CNTNAP2: variants seen among roughly 807,000 people sequenced by gnomAD.
CNTNAP2 encodes contactin associated protein 2.
A neutral mutation model predicts 155.2 loss-of-function variants in CNTNAP2; 98 were observed. The ratio of observed to expected loss-of-function variants is 0.63; its 90% CI spans 0.54 to 0.75. The LOEUF is 0.75. CNTNAP2 is among the 30% of genes least tolerant of loss of function. The pLI, the probability that CNTNAP2 is intolerant of heterozygous loss-of-function variation, is 0.00. For synonymous variants in CNTNAP2, 651 were observed against 631.2 expected, an observed-to-expected ratio of 1.03 and a Z score of -0.47; for missense variants, 1,727 against 1,688.1, an observed-to-expected ratio of 1.02 and a Z score of -0.40.
Position 148,303,386 on chromosome 7 carries a change from G to A in CNTNAP2, c.3475+36260G>A, listed in dbSNP as rs143275495. On this transcript the variant is annotated intron_variant, in intron 21 of 23. Transcript: ENST00000361727. Reference sequence around the variant, plus strand: ...TGAAGTGACATAGCCAGGCAGAGACGGGTAGGTGGACAGCCAACACGCCAT... The same window carrying A: ...TGAAGTGACATAGCCAGGCAGAGACAGGTAGGTGGACAGCCAACACGCCAT... 8.7e-3 allele frequency among the ~76,000 whole-genome samples: 1,324 copies of A among 152,248 alleles called. 16 individuals carry two copies. Among genetic ancestry groups the A allele is most frequent in the African/African-American group, 0.031 (1,275 of 41,534 alleles).
At chr7:146,999,236 T>G (rs1381242526) in intron 3 of CNTNAP2, among the ~76,000 whole-genome samples, 1 of 118,402 alleles carries the variant, frequency 8.4e-6, no homozygotes. Flanking sequence ...CAGCTTAAGT[T>G]TGATTGCAAA....
At chr7:146,768,543 C>T (rs918171464) in intron 1 of CNTNAP2, among the ~76,000 whole-genome samples, 4 of 151,852 alleles carry the variant, frequency 2.6e-5, no homozygotes, top group African/African-American at 7.2e-5. Context: ...ATAGTCATAA[C>T]ACGTGATGCA....
rs545125355 is a variant in CNTNAP2 at position 146,279,076 on chromosome 7, A to G, written c.97+162103A>G. 2.0e-3 allele frequency among the ~76,000 whole-genome samples: 309 copies of G among 152,296 alleles called. 3 individuals are homozygous for G. Among genetic ancestry groups the G allele is most frequent in the African/African-American group, 7.0e-3 (290 of 41,582 alleles). On this transcript the variant is annotated intron_variant, in intron 1 of 23. Coordinates refer to ENST00000361727, the MANE Select transcript of CNTNAP2 (RefSeq NM_014141.6). Reference sequence around the variant, plus strand: ...GAAGATATGCTGTCTTCACTGTCTCAAAAACAATACTTTTTGAAACCTTCT... The same window carrying G: ...GAAGATATGCTGTCTTCACTGTCTCGAAAACAATACTTTTTGAAACCTTCT...
chr7:147,362,370 A>G (rs1211647354), intron 9 of CNTNAP2, among the ~76,000 whole-genome samples: 1 of 152,162 alleles, frequency 6.6e-6, no homozygotes, highest in Non-Finnish European at 1.5e-5. Flanking sequence ...CCTGAGCCCA[A>G]GAGATCCTCC....
At chr7:148,245,840 A>G (rs1228054273) in intron 20 of CNTNAP2, among the ~76,000 whole-genome samples, 1 of 152,182 alleles carries the variant, frequency 6.6e-6, no homozygotes, top group Non-Finnish European at 1.5e-5. Context: ...GGGCCGGGTC[A>G]CAAAAGAAGC....
intron 4 of CNTNAP2, among the ~76,000 whole-genome samples, chr7:147,045,107 C>T (rs528605277): frequency 1.1e-4 from 16 of 152,206 alleles, no homozygotes; most frequent in Non-Finnish European, 1.5e-4. Flanking sequence ...TCCTCATTCC[C>T]GGAAATTTTT....
chr7:146,343,553 A>ATT (rs1005378871), intron 1 of CNTNAP2, among the ~76,000 whole-genome samples: 1 of 152,178 alleles, frequency 6.6e-6, no homozygotes, highest in African/African-American at 2.4e-5. Flanking sequence ...ACTTCAATTA[A>ATT]TTTATTTTGA....
intron 8 of CNTNAP2, among the ~76,000 whole-genome samples, chr7:147,237,016 C>T: frequency 6.9e-6 from 1 of 145,684 alleles, no homozygotes; most frequent in South Asian, 2.2e-4. Flanking sequence ...ATCTAGCCAC[C>T]TATCATGCCA....
chr7:147,075,816 G>A (rs1799987828), intron 4 of CNTNAP2, among the ~76,000 whole-genome samples: 1 of 151,812 alleles, frequency 6.6e-6, no homozygotes, highest in Admixed American at 6.6e-5. Flanking sequence ...AGTGTGTGAT[G>A]TTCCCCACCC....
At chr7:146,859,672 T>A (rs60869393) in intron 3 of CNTNAP2, among the ~76,000 whole-genome samples, 4,479 of 150,604 alleles carry the variant, frequency 0.03, 203 homozygotes, top group African/African-American at 0.1. Context: ...AAAAAAAAAA[T>A]ATATATAATC....
At chr7:147,616,883 G>A (rs1801303606) in intron 12 of CNTNAP2, among the ~76,000 whole-genome samples, 1 of 151,930 alleles carries the variant, frequency 6.6e-6, no homozygotes, top group South Asian at 2.1e-4. Flanking sequence ...TTCAATAAAT[G>A]CATATTGAAG....
intron 13 of CNTNAP2, among the ~76,000 whole-genome samples, chr7:147,678,543 A>G (rs1795901762): frequency 6.6e-6 from 1 of 151,900 alleles, no homozygotes; most frequent in South Asian, 2.1e-4. Context: ...ACTTTCAGGT[A>G]AGGATTCCGC....
intron 11 of CNTNAP2, among the ~76,000 whole-genome samples, chr7:147,508,053 A>G (rs752781751): frequency 1.3e-5 from 2 of 152,034 alleles, no homozygotes; most frequent in African/African-American, 4.8e-5. Context: ...GTCCCTAACC[A>G]TGGCATCAAT....
chr7:147,735,056 T>G (rs925156060), intron 13 of CNTNAP2, among the ~76,000 whole-genome samples: 11 of 152,104 alleles, frequency 7.2e-5, no homozygotes, highest in Non-Finnish European at 1.5e-4. Context: ...TTTTTTGCCT[T>G]CTGCTAGCTT....
intron 17 of CNTNAP2, among the ~76,000 whole-genome samples, chr7:148,162,714 G>T (rs2906299): frequency 0.28 from 41,858 of 152,102 alleles, 5,975 homozygotes; most frequent in East Asian, 0.35. Flanking sequence ...ACAATGGTCT[G>T]CCCAGGTGCA....
At chr7:147,236,966 T>G (rs1803819526) in intron 8 of CNTNAP2, among the ~76,000 whole-genome samples, 3 of 151,804 alleles carry the variant, frequency 2.0e-5, no homozygotes, top group Admixed American at 2.0e-4. Context: ...ACCCTTTGGA[T>G]TGTCAAAAAC....
intron 1 of CNTNAP2, among the ~76,000 whole-genome samples, chr7:146,686,012 C>T (rs1800592175): frequency 6.6e-6 from 1 of 151,954 alleles, no homozygotes; most frequent in African/African-American, 2.4e-5. Flanking sequence ...AAAAAATATT[C>T]CAGGTGAGGC....
intron 7 of CNTNAP2, among the ~76,000 whole-genome samples, chr7:147,131,231 A>T (rs117091699): frequency 0.016 from 2,411 of 151,278 alleles, 27 homozygotes; most frequent in South Asian, 0.042. Flanking sequence ...TACCATACAC[A>T]TGTATACCAT....
chr7:147,054,451 A>G (rs555645376), intron 4 of CNTNAP2, among the ~76,000 whole-genome samples: 1 of 152,260 alleles, frequency 6.6e-6, no homozygotes, highest in South Asian at 2.1e-4. Context: ...CTTTTTATAT[A>G]TATGTTAATT....
Sources: gnomAD v4.1 joint callset for allele counts (sites outside exome capture counted in the v4.1 genomes callset) on GRCh38, gnomAD v4.1.1 for gene constraint, MANE v1.5 for transcripts, NCBI Gene and HGNC (gene_info 2026-07-23, HGNC 2026-07-21) for gene names.